PPP1R12B: variants seen among roughly 807,000 people sequenced by gnomAD.
PPP1R12B encodes the protein protein phosphatase 1 regulatory subunit 12B, also known as myosin phosphatase target subunit 2.
PPP1R12B carries 76 observed loss-of-function variants against 126.1 expected under a neutral mutation model. The observed-to-expected ratio is 0.60, with a 90% CI of 0.50 to 0.73. The LOEUF is 0.73. Ranked by LOEUF, PPP1R12B falls within the 30% of genes least tolerant of loss-of-function variation. The pLI is 0.00. For synonymous variants in PPP1R12B, 356 were observed against 434.7 expected (o/e 0.82, Z 2.25); for missense variants, 1,052 against 1,205.1 (o/e 0.87, Z 1.88).
chr1:202,478,943 T>A (rs1410878428), intron 13 of PPP1R12B, among the ~76,000 whole-genome samples: 4 of 152,190 alleles, frequency 2.6e-5, no homozygotes, highest in Non-Finnish European at 5.9e-5. Flanking sequence ...CTGTCCTGTA[T>A]GCAAAGAAGA....
At chr1:202,417,810 CA>C (rs755177577) in intron 2 of PPP1R12B, among the ~76,000 whole-genome samples, 11 of 152,310 alleles carry the variant, frequency 7.2e-5, no homozygotes, top group Middle Eastern at 3.4e-3. Flanking sequence ...CAGGAAACAG[CA>C]GGGAGAATTT....
intron 18 of PPP1R12B, among the ~76,000 whole-genome samples, chr1:202,528,225 A>T (rs1436020912): frequency 6.6e-6 from 1 of 152,236 alleles, no homozygotes; most frequent in Non-Finnish European, 1.5e-5. Context: ...CCAGTAACAC[A>T]CTGTTATCAC....
intron 18 of PPP1R12B, among the ~76,000 whole-genome samples, chr1:202,535,527 A>T (rs1321275523): frequency 6.6e-6 from 1 of 152,180 alleles, no homozygotes; most frequent in East Asian, 1.9e-4. Context: ...AAACTAACAT[A>T]TGCAGTTCCT....
intron 13 of PPP1R12B, among the ~76,000 whole-genome samples, chr1:202,461,867 A>G (rs955209233): frequency 1.3e-5 from 2 of 152,166 alleles, no homozygotes; most frequent in African/African-American, 4.8e-5. Context: ...ATGAGGCAAG[A>G]GCTAGTGAGC....
intron 18 of PPP1R12B, among the ~76,000 whole-genome samples, chr1:202,555,431 C>A (rs139956454): frequency 1.4e-4 from 19 of 132,568 alleles, no homozygotes; most frequent in Admixed American, 2.5e-4. Context: ...TAAAATCTTA[C>A]CCAACAAATA....
At chr1:202,467,384 CCCA>C in intron 13 of PPP1R12B, among the ~76,000 whole-genome samples, 1 of 152,126 alleles carries the variant, frequency 6.6e-6, no homozygotes, top group Non-Finnish European at 1.5e-5. Flanking sequence ...CTCCCCCCAC[CCCA>C]CAACAGGCCC....
At chr1:202,511,691 C>T (rs1221066178) in intron 18 of PPP1R12B, among the ~76,000 whole-genome samples, 1 of 151,944 alleles carries the variant, frequency 6.6e-6, no homozygotes, top group Non-Finnish European at 1.5e-5. Flanking sequence ...TGGGCTCCAA[C>T]TCCATCCAAT....
At chr1:202,440,849 T>C in intron 11 of PPP1R12B, 61 bp downstream of exon 11, 1 of 1,368,912 alleles carries the variant, frequency 7.3e-7, no homozygotes, top group Admixed American at 1.8e-5. Context: ...GACATAGTCA[T>C]CTCCTGGGCA....
At chr1:202,420,065 T>C (rs1668555638) in intron 2 of PPP1R12B, among the ~76,000 whole-genome samples, 1 of 152,250 alleles carries the variant, frequency 6.6e-6, no homozygotes, top group Non-Finnish European at 1.5e-5. Flanking sequence ...GTGGAGATAT[T>C]TAACTTTTTA....
At chr1:202,521,767 A>G (rs1357912700) in intron 18 of PPP1R12B, among the ~76,000 whole-genome samples, 1 of 152,208 alleles carries the variant, frequency 6.6e-6, no homozygotes, top group Non-Finnish European at 1.5e-5. Context: ...AGGAGAAAAA[A>G]GAATGAATAA....
Position 202,349,124 on chromosome 1 carries a change from CT to C in PPP1R12B, c.275del (p.Leu92Ter). ...ADINTVNVDGLTALHQACIDE... is the reference protein window; with the variant it reads ...ADINTVNVDGXTALHQACIDE... ...ATATCAACACGGTCAACGTGGACGG[CT>C]TGACAGCCCTGCACCAGGTAACTCC... On this transcript the variant is annotated frameshift_variant, in exon 1 of 24. Transcript: ENST00000608999. LOFTEE classifies it high-confidence loss of function. 1.2e-6 allele frequency: 2 copies of C among 1,613,984 alleles called. No individual in the cohort carries two copies. Among genetic ancestry groups the C allele is most frequent in the Non-Finnish European group, 1.7e-6 (2 of 1,180,032 alleles).
At chr1:202,399,288 A>G (rs1423560349) in intron 1 of PPP1R12B, among the ~76,000 whole-genome samples, 1 of 152,140 alleles carries the variant, frequency 6.6e-6, no homozygotes, top group Non-Finnish European at 1.5e-5. Context: ...TGGTGCGTAC[A>G]TGGCTTACTG....
intron 13 of PPP1R12B, among the ~76,000 whole-genome samples, chr1:202,479,746 G>T (rs1214998675): frequency 2.6e-5 from 4 of 152,216 alleles, no homozygotes; most frequent in Non-Finnish European, 4.4e-5. Context: ...CCCCAGACCA[G>T]CAGTGTCATC....
Position 202,437,926 on chromosome 1 carries a change from G to C in PPP1R12B, c.1360G>C (p.Val454Leu). The C allele has an allele frequency of 6.2e-7, 1 of 1,614,120 alleles. No individual in the cohort carries two copies. ...KTGSHNMLSEVANSREPIRDR... is the reference protein window; with the variant it reads ...KTGSHNMLSELANSREPIRDR... ...TGGCAGCCACAACATGCTGAGTGAG[G>C]TGGCCAATTCCAGGGAACCTATAAG... The change falls in exon 10 of 24, where the codon GTG becomes CTG. Residue 454 changes from valine (V) to leucine (L), a missense_variant. Val to Leu is a conservative substitution (Grantham distance 32). Coordinates refer to ENST00000608999, the MANE Select transcript of PPP1R12B (RefSeq NM_002481.4).
Position 202,412,077 on chromosome 1 carries a change from G to A in PPP1R12B, c.292-4710G>A, listed in dbSNP as rs150284056. 7.6e-3 allele frequency among the ~76,000 whole-genome samples: 1,156 copies of A among 152,226 alleles called. 6 individuals carry two copies. The highest frequency in any genetic ancestry group is 0.012 in the Non-Finnish European group (829 of 68,018). On this transcript the variant is annotated intron_variant, in intron 1 of 23. Transcript: ENST00000608999. ...GATGGTTCTTCACAGATTGATGATC[G>A]CCAAATTACATTTTTAGATTAGGCT...
At chr1:202,399,945 AC>A (rs1391130158) in intron 1 of PPP1R12B, among the ~76,000 whole-genome samples, 1 of 151,914 alleles carries the variant, frequency 6.6e-6, no homozygotes, top group African/African-American at 2.4e-5. Flanking sequence ...TGATCCCATC[AC>A]CCAGTTAGCA....
At position 202,562,762 on chromosome 1, in the gene PPP1R12B, A is replaced by G. The variant is rs1215717324; in HGVS notation, c.2508-16A>G. The G allele has an allele frequency of 3.7e-6, 6 of 1,607,816 alleles. No individual in the cohort carries two copies. The highest frequency in any genetic ancestry group is 3.3e-5 in the Admixed American group (2 of 59,706). ...TTCTCAAAACCAATTTTTATCTTTA[A>G]TATTATCTCCCACAGGTTGGAATCG... On this transcript the variant is annotated splice_polypyrimidine_tract_variant and intron_variant, in intron 19 of 23. Coordinates refer to ENST00000608999, the MANE Select transcript of PPP1R12B (RefSeq NM_002481.4).
At chr1:202,440,521 A>G (rs1282876136) in intron 10 of PPP1R12B, among the ~76,000 whole-genome samples, 185 bp from the exon 11 acceptor site, 4 of 152,146 alleles carry the variant, frequency 2.6e-5, no homozygotes, top group Admixed American at 1.3e-4. Flanking sequence ...CTGTTTTTTA[A>G]TGGAAGAAAG....
chr1:202,558,949 C>G lies in PPP1R12B; in HGVS notation c.2507+56C>G, dbSNP rs543546638. The G allele has an allele frequency of 7.9e-4, 1,178 of 1,491,178 alleles. 17 individuals are homozygous for G. In the South Asian group the frequency reaches 0.014, roughly 18 times the overall value. 92.4% of individuals were successfully genotyped at this position (1,491,178 alleles called of 1,614,324 possible). On this transcript the variant is annotated intron_variant, in intron 19 of 23. Transcript: ENST00000608999. ...TTAATACTTGTGAGTGAATGCATGT[C>G]GAATTAAACTTAGCTTTATATAATA... is the stretch of plus-strand genomic sequence containing the variant.
Sources: allele counts gnomAD v4.1 joint callset (sites outside exome capture counted in the v4.1 genomes callset), GRCh38; gene constraint gnomAD v4.1.1; transcripts MANE v1.5; gene names NCBI Gene and HGNC (gene_info 2026-07-23, HGNC 2026-07-21).